Variants in PPP1R9A observed in about 807,000 individuals in gnomAD.
PPP1R9A encodes the protein protein phosphatase 1 regulatory subunit 9A.
In PPP1R9A, 59 loss-of-function variants were observed where a neutral mutation model predicts 141.9. The ratio of observed to expected loss-of-function variants is 0.42; its 90% CI spans 0.34 to 0.52. PPP1R9A has a LOEUF of 0.52. PPP1R9A is among the 20% of genes least tolerant of loss of function. The pLI is 0.10. For synonymous variants in PPP1R9A, 500 were observed against 569.7 expected, an observed-to-expected ratio of 0.88 and a Z score of 1.74; for missense variants, 1,444 against 1,611.9, an observed-to-expected ratio of 0.90 and a Z score of 1.78.
In PPP1R9A at chr7:95,290,173, G is replaced by A. The variant is rs745926624; in HGVS notation, c.3995G>A (p.Arg1332Gln). The part of the protein sequence containing the change: ...KEMKMSLEKA[R>Q]KAQEKMEKQR... ...ATGAAGATGTCTCTAGAGAAGGCTC[G>A]GAAGGCCCAAGAGAAAATGGAAAAA... is the stretch of plus-strand genomic sequence containing the variant. The change falls in exon 20 of 20, where the codon CGG becomes CAG. Residue 1332 changes from arginine to glutamine, a missense_variant. By Grantham distance (43) the Arg-to-Gln change is conservative (BLOSUM62 1). Coordinates refer to ENST00000433360, the MANE Select transcript of PPP1R9A (RefSeq NM_001166160.2). 10 of 1,613,972 alleles carry A rather than the reference G, an allele frequency of 6.2e-6. No individual in the cohort carries two copies. The highest frequency in any genetic ancestry group is 3.3e-5 in the Admixed American group (2 of 59,948).
intron 14 of PPP1R9A, among the ~76,000 whole-genome samples, chr7:95,269,986 C>T (rs772090095): frequency 1.3e-5 from 2 of 152,168 alleles, no homozygotes; most frequent in African/African-American, 2.4e-5. Context: ...TACCTCTCCA[C>T]GTAACCAGTG....
chr7:95,144,360 G>C (rs975935082), intron 4 of PPP1R9A, among the ~76,000 whole-genome samples: 2 of 152,032 alleles, frequency 1.3e-5, no homozygotes, highest in Admixed American at 6.6e-5. Context: ...TCATGTGTGC[G>C]TGTGTAAAAT....
chr7:95,180,543 A>G (rs1399873769), intron 5 of PPP1R9A, among the ~76,000 whole-genome samples: 1 of 152,218 alleles, frequency 6.6e-6, no homozygotes, highest in African/African-American at 2.4e-5. Flanking sequence ...TAATTAAACT[A>G]AAGAGATTTT....
chr7:95,079,446 A>C (rs1233484826), intron 2 of PPP1R9A, among the ~76,000 whole-genome samples: 1 of 152,118 alleles, frequency 6.6e-6, no homozygotes, highest in Non-Finnish European at 1.5e-5. Flanking sequence ...GGCAATAATC[A>C]ATAGCTTACC....
Position 95,294,293 on chromosome 7 carries a change from TTTC to T in PPP1R9A, c.*3992_*3994del. On this transcript the variant is annotated 3_prime_UTR_variant, in exon 20 of 20. Transcript: ENST00000433360. ...CTTTTCTTTTCTTTTTTTTTTTTTT[TTTC>T]TGTCATCTGTCACCCAGACTGGACT... 6.7e-6 allele frequency: 1 copy of T among 148,946 alleles called. No individual in the cohort carries two copies. Among genetic ancestry groups the T allele is most frequent in the African/African-American group, 2.5e-5 (1 of 40,142 alleles). The allele number at this position is 148,946 out of a possible 1,614,324, so 9.2% of individuals were successfully genotyped here.
intron 5 of PPP1R9A, among the ~76,000 whole-genome samples, chr7:95,182,229 C>A (rs543904055): frequency 1.3e-5 from 2 of 152,102 alleles, no homozygotes; most frequent in South Asian, 4.2e-4. Context: ...GTAATCCCAA[C>A]ACTTGGGAGC....
chr7:95,046,489 C>G (rs1017504229), intron 2 of PPP1R9A, among the ~76,000 whole-genome samples: 1 of 152,212 alleles, frequency 6.6e-6, no homozygotes, highest in Admixed American at 6.5e-5. Context: ...ACCTTTTGGA[C>G]TCTGCTATTT....
At chr7:95,266,283 A>C (rs1801269845) in intron 12 of PPP1R9A, among the ~76,000 whole-genome samples, 1 of 152,080 alleles carries the variant, frequency 6.6e-6, no homozygotes, top group Non-Finnish European at 1.5e-5. Flanking sequence ...CCAAAATAAA[A>C]AATCATCCAG....
rs1801811033 is a variant in PPP1R9A at position 95,269,414 on chromosome 7, A to G, written c.3031A>G (p.Thr1011Ala). Residue 1011 changes from threonine to alanine, a missense_variant, in exon 14 of 20, where the codon ACT (threonine) becomes GCT (alanine). Coordinates refer to ENST00000433360, the MANE Select transcript of PPP1R9A (RefSeq NM_001166160.2). ...GCCTCTCTCCTCTATGTGGGGAGACACTTCACTGTTTTCTACTTCAAAGTC... is the reference window on the plus strand; with the variant it reads ...GCCTCTCTCCTCTATGTGGGGAGACGCTTCACTGTTTTCTACTTCAAAGTC... ...MGPLSSMWGDTSLFSTSKSDH... is the reference protein window; with the variant it reads ...MGPLSSMWGDASLFSTSKSDH... 6.3e-7 allele frequency: 1 copy of G among 1,595,402 alleles called. No individual in the cohort carries two copies.
At chr7:95,288,810 A>G (rs372497582) in intron 19 of PPP1R9A, 92 bp downstream of exon 19, 51 of 1,404,050 alleles carry the variant, frequency 3.6e-5, no homozygotes, top group Middle Eastern at 4.6e-4. Context: ...AGCATTCTGC[A>G]TATCTGAGAG....
chr7:95,137,073 G>T (rs1479425254), intron 4 of PPP1R9A, among the ~76,000 whole-genome samples: 1 of 152,052 alleles, frequency 6.6e-6, no homozygotes, highest in Non-Finnish European at 1.5e-5. Flanking sequence ...AAAGATGCAA[G>T]TCTTTTTTTT....
chr7:94,980,263 C>T (rs903437955), intron 2 of PPP1R9A, among the ~76,000 whole-genome samples: 3 of 151,972 alleles, frequency 2.0e-5, no homozygotes, highest in Admixed American at 6.6e-5. Context: ...GCTTTCAAAG[C>T]CACCCTGGGC....
Position 95,106,922 on chromosome 7 carries a change from G to A in PPP1R9A, c.1396-4337G>A, listed in dbSNP as rs76546209. On this transcript the variant is annotated intron_variant, in intron 2 of 19. Coordinates refer to ENST00000433360, the MANE Select transcript of PPP1R9A (RefSeq NM_001166160.2). ...TCAAGCAATTCTGCCACAGCCTCCC[G>A]AGGTGCACGCCACCACGCCCAGTTA... Among the ~76,000 whole-genome samples, 518 of 151,722 alleles carry A rather than the reference G, an allele frequency of 3.4e-3. 3 individuals are homozygous for A. Among genetic ancestry groups the A allele is most frequent in the African/African-American group, 0.012 (498 of 41,374 alleles).
At chr7:95,046,861 T>C (rs1200944025) in intron 2 of PPP1R9A, among the ~76,000 whole-genome samples, 8 of 152,230 alleles carry the variant, frequency 5.3e-5, no homozygotes, top group Admixed American at 5.2e-4. Context: ...CATTCCAAAA[T>C]TATTCTCTAA....
intron 12 of PPP1R9A, among the ~76,000 whole-genome samples, chr7:95,263,713 C>T (rs1800808206): frequency 6.6e-6 from 1 of 152,116 alleles, no homozygotes; most frequent in Admixed American, 6.6e-5. Flanking sequence ...CTGTACCCGG[C>T]CTCTTTCCAG....
At chr7:94,916,218 T>C (rs1792059982) in intron 2 of PPP1R9A, among the ~76,000 whole-genome samples, 2 of 152,218 alleles carry the variant, frequency 1.3e-5, no homozygotes, top group Non-Finnish European at 2.9e-5. Context: ...TCTTAAGTGT[T>C]TCATCCATCC....
chr7:95,281,272 A>G (rs1345339000), intron 16 of PPP1R9A, among the ~76,000 whole-genome samples: 1 of 152,186 alleles, frequency 6.6e-6, no homozygotes, highest in Non-Finnish European at 1.5e-5. Context: ...ACTGAAAAAT[A>G]TTCTTCAAAA....
chr7:95,086,658 A>G (rs1008788562), intron 2 of PPP1R9A, among the ~76,000 whole-genome samples: 8 of 152,008 alleles, frequency 5.3e-5, no homozygotes, highest in African/African-American at 1.9e-4. Flanking sequence ...TTGCTGCACT[A>G]GGCCAAGCAC....
chr7:94,910,269 G>A lies in PPP1R9A; in HGVS notation c.156G>A (p.Gln52=). 1 of 1,614,104 alleles carries A rather than the reference G, an allele frequency of 6.2e-7. No individual in the cohort carries two copies. The highest frequency in any genetic ancestry group is 8.5e-7 in the Non-Finnish European group (1 of 1,180,010). ...EQKTKEGEGS[Q]QSRGRKYGSN... is the part of the protein sequence containing the mutation. The stretch of plus-strand genomic sequence containing the variant: ...AAACAAAAGAAGGTGAGGGCTCCCA[G>A]CAGAGCAGGGGGAGGAAATATGGCT... The change falls in exon 2 of 20, where the codon CAG becomes CAA. Residue 52 remains glutamine (Q), a synonymous_variant. Transcript: ENST00000433360. The surrounding 1 kb of genome is among the most constrained non-coding windows in gnomAD (Gnocchi z 4.5).
Sources: gnomAD v4.1 joint callset for allele counts (sites outside exome capture counted in the v4.1 genomes callset) on GRCh38, gnomAD v4.1.1 for gene constraint, Gnocchi (gnomAD v3.1) non-coding constraint, MANE v1.5 for transcripts, NCBI Gene and HGNC (gene_info 2026-07-23, HGNC 2026-07-21) for gene names.